Variants in PTPRD observed in about 807,000 individuals in gnomAD.
PTPRD encodes the protein protein tyrosine phosphatase receptor type D.
Under a neutral mutation model 214.5 loss-of-function variants are expected in PTPRD, and 34 were observed. The ratio of observed to expected loss-of-function variants is 0.16; its 90% CI spans 0.12 to 0.21. The LOEUF (loss-of-function observed/expected upper bound fraction) is 0.21. Ranked by LOEUF, PTPRD falls within the 10% of genes least tolerant of loss-of-function variation. The pLI, the probability that PTPRD is intolerant of heterozygous loss-of-function variation, is 1.00. For missense variants in PTPRD, 2,545 were observed against 2,398.7 expected (o/e 1.06, Z -1.27); for synonymous variants, 1,128 against 845.7 (o/e 1.33, Z -5.79).
chr9:10,023,486 G>C (rs757269104), intron 4 of PTPRD, among the ~76,000 whole-genome samples: 1 of 152,148 alleles, frequency 6.6e-6, no homozygotes, highest in South Asian at 2.1e-4. Context: ...CATCTTTTCT[G>C]TATATAAAGT....
rs141743441 is a variant in PTPRD at position 8,320,942 on chromosome 9, G to A, written c.5535-976C>T. On this transcript the variant is annotated intron_variant, in intron 44 of 45. Coordinates refer to ENST00000381196, the MANE Select transcript of PTPRD (RefSeq NM_002839.4). Reference sequence around the variant, plus strand: ...AACAGCATGTGTAACACTTGGGCACGGGCTGTAGAAAATAGATGGATTCAT... The same window carrying A: ...AACAGCATGTGTAACACTTGGGCACAGGCTGTAGAAAATAGATGGATTCAT... 2.7e-3 allele frequency among the ~76,000 whole-genome samples: 407 copies of A among 152,156 alleles called. 2 individuals carry two copies. The highest frequency in any genetic ancestry group is 9.2e-3 in the African/African-American group (381 of 41,558).
intron 2 of PTPRD, among the ~76,000 whole-genome samples, chr9:10,520,811 A>ATGACAGCACATCTGT (rs1430779022): frequency 5.9e-5 from 9 of 152,038 alleles, no homozygotes; most frequent in Non-Finnish European, 8.8e-5. Context: ...CAAAGCCTAG[A>ATGACAGCACATCTGT]TGACAGCACA....
intron 3 of PTPRD, among the ~76,000 whole-genome samples, chr9:10,329,411 A>G (rs530288948): frequency 6.6e-6 from 1 of 152,002 alleles, no homozygotes; most frequent in African/African-American, 2.4e-5. Flanking sequence ...TTTTAAAATA[A>G]AATTTAAAAA....
At chr9:9,493,052 T>C (rs1214344940) in intron 8 of PTPRD, among the ~76,000 whole-genome samples, 1 of 150,052 alleles carries the variant, frequency 6.7e-6, no homozygotes, top group Non-Finnish European at 1.5e-5. Context: ...GTCCCTGAAA[T>C]AAAACAATAT....
intron 6 of PTPRD, among the ~76,000 whole-genome samples, chr9:9,753,936 A>G (rs1321479080): frequency 6.6e-6 from 1 of 152,032 alleles, no homozygotes; most frequent in Non-Finnish European, 1.5e-5. Flanking sequence ...GATTTCCTCA[A>G]ATAGACTCAG....
At chr9:10,421,390 A>C (rs1237517588) in intron 2 of PTPRD, among the ~76,000 whole-genome samples, 2 of 151,946 alleles carry the variant, frequency 1.3e-5, no homozygotes, top group Non-Finnish European at 2.9e-5. Flanking sequence ...AAATGGAGCA[A>C]GGTTCCGTTG....
At chr9:9,858,148 T>C (rs750499140) in intron 5 of PTPRD, among the ~76,000 whole-genome samples, 16 of 152,188 alleles carry the variant, frequency 1.1e-4, no homozygotes, top group Non-Finnish European at 2.1e-4. Flanking sequence ...CCCTGAATTA[T>C]AAAAATACAT....
chr9:8,901,012 T>A (rs2098664355), intron 11 of PTPRD, among the ~76,000 whole-genome samples: 10 of 152,064 alleles, frequency 6.6e-5, no homozygotes, highest in Admixed American at 6.6e-4. Flanking sequence ...GTAGGCTTTA[T>A]CAGATTGGAA....
chr9:9,721,051 A>G (rs1323455327), intron 7 of PTPRD, among the ~76,000 whole-genome samples: 1 of 152,166 alleles, frequency 6.6e-6, no homozygotes, highest in East Asian at 1.9e-4. Context: ...CTTAGTACCT[A>G]GGTGATAAAA....
chr9:10,206,032 TA>T lies in PTPRD; in HGVS notation c.-545+134930del, dbSNP rs77620088. Among the ~76,000 whole-genome samples, 771 of 129,592 alleles carry T rather than the reference TA, an allele frequency of 5.9e-3. 1 individual carries two copies. Among genetic ancestry groups the T allele is most frequent in the Middle Eastern group, 8.1e-3 (2 of 246 alleles). The allele number at this position is 129,592 out of a possible 152,430, so 85.0% of individuals were successfully genotyped here. ...CAACAATTCCAATAATAGCTTTATG[TA>T]AAAAAAAAAAAAAGTATTAGAAACT... is the stretch of plus-strand genomic sequence containing the variant. On this transcript the variant is annotated intron_variant, in intron 3 of 45. Coordinates refer to ENST00000381196, the MANE Select transcript of PTPRD (RefSeq NM_002839.4).
chr9:10,082,978 CAA>C (rs1567568487), intron 3 of PTPRD, among the ~76,000 whole-genome samples: 3 of 151,970 alleles, frequency 2.0e-5, no homozygotes, highest in East Asian at 3.9e-4. Flanking sequence ...ACAGCCACAA[CAA>C]AGACTCAAAA....
At chr9:8,433,181 C>T (rs938068843) in intron 35 of PTPRD, among the ~76,000 whole-genome samples, 1 of 152,180 alleles carries the variant, frequency 6.6e-6, no homozygotes, top group African/African-American at 2.4e-5. Flanking sequence ...AAATTCCCAT[C>T]ACCTAGGGAT....
At chr9:9,354,640 C>A (rs1015040726) in intron 9 of PTPRD, among the ~76,000 whole-genome samples, 1 of 151,486 alleles carries the variant, frequency 6.6e-6, no homozygotes, top group African/African-American at 2.4e-5. Flanking sequence ...ACAACTATAG[C>A]CAATAAGTAA....
chr9:8,581,022 T>C (rs960375747), intron 14 of PTPRD, among the ~76,000 whole-genome samples: 3 of 152,144 alleles, frequency 2.0e-5, no homozygotes, highest in South Asian at 2.1e-4. Flanking sequence ...TTCATATTTA[T>C]CGTGACAAAC....
intron 3 of PTPRD, among the ~76,000 whole-genome samples, chr9:10,201,939 T>C (rs1337314517): frequency 6.6e-6 from 1 of 152,066 alleles, no homozygotes; most frequent in Admixed American, 6.6e-5. Context: ...TCTCCAAGTT[T>C]TCTACACAGA....
In PTPRD at chr9:9,146,888, GAAC is replaced by G. The variant is rs559392610; in HGVS notation, c.-143+36413_-143+36415del. Among the ~76,000 whole-genome samples, 88 of 152,236 alleles carry G rather than the reference GAAC, an allele frequency of 5.8e-4. 1 individual carries two copies. Among genetic ancestry groups the G allele is most frequent in the African/African-American group, 2.0e-3 (84 of 41,540 alleles). On this transcript the variant is annotated intron_variant, in intron 10 of 45. Transcript: ENST00000381196. ...GCTTACTAACTCCAGGTGGCCTTTA[GAAC>G]AACAATAACTAAACACACGTGGAGC...
At chr9:8,888,728 T>A (rs530389559) in intron 11 of PTPRD, among the ~76,000 whole-genome samples, 1 of 152,190 alleles carries the variant, frequency 6.6e-6, no homozygotes, top group African/African-American at 2.4e-5. Flanking sequence ...TGTGTGAAGA[T>A]GTTTCTCCTG....
intron 6 of PTPRD, 113 bp downstream of exon 6, chr9:9,766,697 G>A (rs2098709471): frequency 6.6e-6 from 1 of 152,096 alleles, no homozygotes; most frequent in Non-Finnish European, 1.5e-5. Context: ...GACAAAAAGT[G>A]CATGTCCCAT....
intron 31 of PTPRD, among the ~76,000 whole-genome samples, chr9:8,467,161 G>T (rs2134590570): frequency 6.6e-6 from 1 of 151,918 alleles, no homozygotes; most frequent in Non-Finnish European, 1.5e-5. Context: ...TAAGTTTATT[G>T]ATGCAATTAA....
Sources: allele counts gnomAD v4.1 joint callset (sites outside exome capture counted in the v4.1 genomes callset), GRCh38; gene constraint gnomAD v4.1.1; transcripts MANE v1.5; gene names NCBI Gene and HGNC (gene_info 2026-07-23, HGNC 2026-07-21).